Variants in GPR179 observed in about 807,000 individuals in gnomAD.
The protein encoded by GPR179 is G protein-coupled receptor 179, also known as probable G protein-coupled receptor 179.
GPR179 carries 52 observed loss-of-function variants against 70.8 expected under a neutral mutation model. That is an observed-to-expected ratio of 0.73 (90% confidence interval 0.59 to 0.93). The LOEUF (loss-of-function observed/expected upper bound fraction) is 0.93. Among genes scored for constraint, GPR179 ranks in the 40% least tolerant of loss-of-function variants. The pLI, the probability that GPR179 is intolerant of heterozygous loss-of-function variation, is 0.00. For synonymous variants in GPR179, 1,123 were observed against 1,169.0 expected (o/e 0.96, Z 0.80); for missense variants, 2,734 against 2,966.8 (o/e 0.92, Z 1.82).
Position 38,327,232 on chromosome 17 carries a change from C to G in GPR179, c.6337G>C (p.Glu2113Gln). The G allele has an allele frequency of 6.2e-7, 1 of 1,614,240 alleles. No individual in the cohort carries two copies. The highest frequency in any genetic ancestry group is 8.5e-7 in the Non-Finnish European group (1 of 1,180,042). The change falls in exon 11 of 11, where the codon GAA (glutamate) becomes CAA (glutamine). Residue 2113 changes from glutamate (E) to glutamine (Q), a missense_variant. By Grantham distance (29) the Glu-to-Gln change is conservative. Coordinates refer to ENST00000616987, the MANE Select transcript of GPR179 (RefSeq NM_001004334.4). ...AAGSVETRVA[E>Q]VCLWEVVEAP... ...TCTACCACTTCCCACAGACACACTT[C>G]CGCTACCCTGGTCTCCACACTGCCT...
Position 38,327,600 on chromosome 17 carries a change from G to A in GPR179, c.5969C>T (p.Thr1990Ile). The change falls in exon 11 of 11, where the codon ACT (threonine) becomes ATT (isoleucine). Residue 1990 changes from threonine to isoleucine, a missense_variant. Coordinates refer to ENST00000616987, the MANE Select transcript of GPR179 (RefSeq NM_001004334.4). ...GCACACGTCAGCGGCCCTGCCCCCA[G>A]TGCTGACCAGTCTCTGGGAGCTAGC... ...PKASSQRLVSTGGRAADVCPW... is the reference protein window; with the variant it reads ...PKASSQRLVSIGGRAADVCPW... 6.2e-7 allele frequency: 1 copy of A among 1,614,174 alleles called. No individual in the cohort carries two copies. Among genetic ancestry groups the A allele is most frequent in the East Asian group, 2.2e-5 (1 of 44,878 alleles).
At position 38,329,038 on chromosome 17, in the gene GPR179, T is replaced by A; in HGVS notation, c.4531A>T (p.Lys1511Ter). ...TCCCCCATCTCTCCAAAGCTTCCTT[T>A]TCTGGAGGCTTTTTCCTTTTCTTGA... ...SLQEKEKASR[K>*]GSFGEMGEQT... Residue 1511 changes from lysine to a stop codon, truncating the protein, a stop_gained, in exon 11 of 11, where the codon AAA (lysine) becomes TAA (stop). Transcript: ENST00000616987. LOFTEE classifies it low-confidence loss of function (END_TRUNC). 6.2e-7 allele frequency: 1 copy of A among 1,614,000 alleles called. No individual in the cohort carries two copies. The highest frequency in any genetic ancestry group is 8.5e-7 in the Non-Finnish European group (1 of 1,180,004).
intron 4 of GPR179, 35 bp downstream of exon 4, chr17:38,336,943 G>A (rs375797518): frequency 7.1e-6 from 11 of 1,546,310 alleles, no homozygotes; most frequent in East Asian, 4.7e-5. Flanking sequence ...GAGATGGGTC[G>A]GACATGTGTG....
Position 38,328,510 on chromosome 17 carries a change from C to T in GPR179, c.5059G>A (p.Asp1687Asn), listed in dbSNP as rs200260405. Residue 1687 changes from aspartate to asparagine, a missense_variant, in exon 11 of 11, where the codon GAC becomes AAC. Coordinates refer to ENST00000616987, the MANE Select transcript of GPR179 (RefSeq NM_001004334.4). ...MSGSVGSKAA[D>N]ICPLDVEENL... ...TCCTCCACATCCAAAGGGCAAATGT[C>T]GGCAGCTTTGCTTCCCACACTGCCT... is the stretch of plus-strand genomic sequence containing the variant. 56 of 1,613,052 alleles carry T rather than the reference C, an allele frequency of 3.5e-5. No individual in the cohort carries two copies. Among genetic ancestry groups the T allele is most frequent in the Middle Eastern group, 3.3e-4 (2 of 6,050 alleles).
Position 38,326,387 on chromosome 17 carries a change from C to T in GPR179, c.*78G>A, listed in dbSNP as rs2037285519. The T allele has an allele frequency of 8.7e-7, 1 of 1,152,804 alleles. No homozygotes were observed. The highest frequency in any genetic ancestry group is 1.2e-6 in the Non-Finnish European group (1 of 806,506). 71.4% of individuals were successfully genotyped at this position (1,152,804 alleles called of 1,614,324 possible). On this transcript the variant is annotated 3_prime_UTR_variant, in exon 11 of 11. Transcript: ENST00000616987. ...TGGCCAAGCTGTCTTTGATTCAGCT[C>T]TTTGGGAACACCTGGACTTGGAAAG...
chr17:38,328,485 T>A lies in GPR179; in HGVS notation c.5084A>T (p.Glu1695Val). Reference protein sequence around the residue: ...AADICPLDVEENLTAGKAEIC... With the variant: ...AADICPLDVEVNLTAGKAEIC... ...TTCTGCCTTCCCAGCAGTCAAGTTTTCCTCCACATCCAAAGGGCAAATGTC... is the reference window on the plus strand; with the variant it reads ...TTCTGCCTTCCCAGCAGTCAAGTTTACCTCCACATCCAAAGGGCAAATGTC... The change falls in exon 11 of 11, where the codon GAA becomes GTA. Residue 1695 changes from glutamate (E) to valine (V), a missense_variant. Glu to Val is a moderately radical substitution (Grantham distance 121). Transcript: ENST00000616987. 3 of 1,614,006 alleles carry A rather than the reference T, an allele frequency of 1.9e-6. No individual in the cohort carries two copies. The highest frequency in any genetic ancestry group is 2.5e-6 in the Non-Finnish European group (3 of 1,179,996).
rs772935790 is a variant in GPR179, at chr17:38,327,054, G to A, written c.6515C>T (p.Ala2172Val). 31 of 1,614,062 alleles carry A rather than the reference G, an allele frequency of 1.9e-5. No individual in the cohort carries two copies. In the East Asian group the frequency reaches 6.9e-4, roughly 36 times the overall value. ...CTCCTGCTCTCTGGGCTTTGCTGCT[G>A]CTTTTGAGAAGTGTTCTTCCGTCCC... ...PGGTEEHFSK[A>V]AAKPREQEAV... Residue 2172 changes from alanine to valine, a missense_variant, in exon 11 of 11, where the codon GCA becomes GTA. Transcript: ENST00000616987.
chr17:38,327,626 T>C lies in GPR179; in HGVS notation c.5943A>G (p.Lys1981=). The C allele has an allele frequency of 6.2e-7, 1 of 1,614,146 alleles. No individual in the cohort carries two copies. The highest frequency in any genetic ancestry group is 1.3e-5 in the African/African-American group (1 of 75,028). Residue 1981 remains lysine, a synonymous_variant, in exon 11 of 11, where the codon AAA becomes AAG. Coordinates refer to ENST00000616987, the MANE Select transcript of GPR179 (RefSeq NM_001004334.4). ...TGCTGACCAGTCTCTGGGAGCTAGC[T>C]TTAGGTTGGTCAGGGCGCTGTCTGT... ...HLDRQRPDQP[K]ASSQRLVSTG...
chr17:38,336,214 G>C, intron 4 of GPR179, 70 bp from the exon 5 acceptor site: 1 of 1,056,510 alleles, frequency 9.5e-7, no homozygotes, highest in Admixed American at 1.7e-5. Context: ...AGGCCTATGT[G>C]AACGGTCACT....
Position 38,334,768 on chromosome 17 carries a change from G to A in GPR179, c.1720C>T (p.Pro574Ser). 1 of 1,613,724 alleles carries A rather than the reference G, an allele frequency of 6.2e-7. No homozygotes were observed. The highest frequency in any genetic ancestry group is 8.5e-7 in the Non-Finnish European group (1 of 1,179,952). ...TRAVLSAFHE[P>S]RYMGIALHNE... Reference sequence around the variant, plus strand: ...TGCAGGGCGATGCCCATGTAGCGTGGCTCATGGAAGGCCGAGAGCACAGCC... The same window carrying A: ...TGCAGGGCGATGCCCATGTAGCGTGACTCATGGAAGGCCGAGAGCACAGCC... Residue 574 changes from proline (P) to serine (S), a missense_variant, in exon 8 of 11, where the codon CCA becomes TCA. Coordinates refer to ENST00000616987, the MANE Select transcript of GPR179 (RefSeq NM_001004334.4). This position sits in a 1 kb window ranked among gnomAD's most constrained non-coding sequence, Gnocchi z 4.7.
rs2037352271 is a variant in GPR179 at position 38,330,999 on chromosome 17, G to GCTA, written c.2569_2570insTAG (p.Gln856_Ala857insVal). 1 of 1,611,508 alleles carries GCTA rather than the reference G, an allele frequency of 6.2e-7. No individual in the cohort carries two copies. Among genetic ancestry groups the GCTA allele is most frequent in the Non-Finnish European group, 8.5e-7 (1 of 1,179,878 alleles). ...TTGCCGGTAGGTCTCCTCCAGGTAG[G>GCTA]CCTGGCTGGCCATGAGCAAGGCCTT... On this transcript the variant is annotated inframe_insertion, in exon 11 of 11. Coordinates refer to ENST00000616987, the MANE Select transcript of GPR179 (RefSeq NM_001004334.4).
rs2037305488 is a variant in GPR179, at chr17:38,327,911, A to G, written c.5658T>C (p.Ala1886=). 3 of 1,614,164 alleles carry G rather than the reference A, an allele frequency of 1.9e-6. No homozygotes were observed. The South Asian group carries it at 3.3e-5, about 18-fold the overall frequency. ...WENKDLRESP[A]QAPKISDLPS... ...GCAAGTCTGAGATCTTGGGGGCCTG[A>G]GCAGGGGATTCCCTCAAGTCCTTGT... The change falls in exon 11 of 11, where the codon GCT becomes GCC. Residue 1886 remains alanine (A), a synonymous_variant. Transcript: ENST00000616987.
Position 38,330,371 on chromosome 17 carries a change from G to A in GPR179, c.3198C>T (p.Pro1066=), listed in dbSNP as rs1182693201. 1 of 1,613,792 alleles carries A rather than the reference G, an allele frequency of 6.2e-7. No homozygotes were observed. Among genetic ancestry groups the A allele is most frequent in the Non-Finnish European group, 8.5e-7 (1 of 1,179,870 alleles). ...REANDVDEDR[P]KIFPKSHSLK... ...GGCTGTGGGATTTAGGGAAGATCTT[G>A]GGCCTGTCTTCGTCCACATCATTAG... The change falls in exon 11 of 11, where the codon CCC becomes CCT. Residue 1066 remains proline, a synonymous_variant. Transcript: ENST00000616987.
chr17:38,341,965 A>G (rs889210711), intron 1 of GPR179, among the ~76,000 whole-genome samples: 13 of 152,024 alleles, frequency 8.6e-5, no homozygotes, highest in African/African-American at 3.1e-4. Flanking sequence ...TAAAATACAA[A>G]AAGTAGCCAG....
intron 1 of GPR179, among the ~76,000 whole-genome samples, 183 bp from the exon 2 acceptor site, chr17:38,339,708 C>G (rs1242232386): frequency 1.3e-5 from 2 of 152,202 alleles, no homozygotes; most frequent in Admixed American, 6.5e-5. Flanking sequence ...TTCTCCTTCT[C>G]TCTTGTCTCC....
In GPR179 at chr17:38,329,317, GTTC is replaced by G. The variant is rs755323165; in HGVS notation, c.4249_4251del (p.Glu1417del). The G allele has an allele frequency of 1.6e-5, 25 of 1,612,830 alleles. No individual in the cohort carries two copies. In the Middle Eastern group the frequency reaches 9.9e-4, roughly 64 times the overall value. The stretch of plus-strand genomic sequence containing the variant: ...GACTCCAAGTCTCCTCCCGGTTTCT[GTTC>G]TTTCCAAAAGGTTGCTTTCCTGGTT... On this transcript the variant is annotated inframe_deletion, in exon 11 of 11. Coordinates refer to ENST00000616987, the MANE Select transcript of GPR179 (RefSeq NM_001004334.4).
rs767785752 is a variant in GPR179, at chr17:38,334,698, C to T, written c.1784+6G>A. ...AGGGGGTGTGGGGAGGTGAGTCCGT[C>T]CTCACCTGGCTGTGTGGAAGGCAGC... is the stretch of plus-strand genomic sequence containing the variant. On this transcript the variant is annotated splice_donor_region_variant and intron_variant, in intron 8 of 10. Transcript: ENST00000616987. This position sits in a 1 kb window ranked among gnomAD's most constrained non-coding sequence, Gnocchi z 4.7. The T allele has an allele frequency of 2.5e-5, 40 of 1,613,222 alleles. No homozygotes were observed. The Admixed American group carries it at 6.7e-4, about 27-fold the overall frequency.
At chr17:38,333,185 C>G (rs2037373882) in intron 10 of GPR179, 66 bp downstream of exon 10, 7 of 1,474,722 alleles carry the variant, frequency 4.7e-6, no homozygotes, top group Non-Finnish European at 4.7e-6. Context: ...GTGGCAGGGC[C>G]CAGTCCTCCC....
At position 38,334,333 on chromosome 17, in the gene GPR179, C is replaced by G. The variant is rs1226661157; in HGVS notation, c.1785-295G>C. 6.6e-6 allele frequency among the ~76,000 whole-genome samples: 1 copy of G among 152,218 alleles called. No individual in the cohort carries two copies. Among genetic ancestry groups the G allele is most frequent in the Non-Finnish European group, 1.5e-5 (1 of 68,040 alleles). ...GTTAACTCTGCCTCCACCACAGGGT[C>G]TGGTCGTTATGGACAAACAGCAGCC... On this transcript the variant is annotated intron_variant, in intron 8 of 10. Transcript: ENST00000616987. This position sits in a 1 kb window ranked among gnomAD's most constrained non-coding sequence, Gnocchi z 4.7.
Sources: gnomAD v4.1 joint callset for allele counts (sites outside exome capture counted in the v4.1 genomes callset) on GRCh38, gnomAD v4.1.1 for gene constraint, Gnocchi (gnomAD v3.1) non-coding constraint, MANE v1.5 for transcripts, NCBI Gene and HGNC (gene_info 2026-07-23, HGNC 2026-07-21) for gene names.